LGALS8: variants seen among roughly 807,000 people sequenced by gnomAD.
LGALS8 encodes galectin-8.
In LGALS8, 30 loss-of-function variants were observed where a neutral mutation model predicts 35.9. That is an observed-to-expected ratio of 0.83 (90% CI 0.62 to 1.13). The LOEUF (loss-of-function observed/expected upper bound fraction) is 1.13, where lower values mean the gene tolerates loss of function less well. LGALS8 is among the 50% of genes most tolerant of loss of function. LGALS8 has a pLI of 0.00. For missense variants in LGALS8, 366 were observed against 388.7 expected, an observed-to-expected ratio of 0.94 and a Z score of 0.49; for synonymous variants, 138 against 136.1, an observed-to-expected ratio of 1.01 and a Z score of -0.10.
chr1:236,542,941 T>C (rs1662103585), intron 7 of LGALS8, 154 bp downstream of exon 7: 1 of 1,614,192 alleles, frequency 6.2e-7, no homozygotes, highest in Non-Finnish European at 8.5e-7. Context: ...GAGACATTTC[T>C]AAAATCGCAC....
rs1214426219 is a variant in LGALS8 at position 236,526,617 on chromosome 1, C to G, written c.45+502C>G. Among the ~76,000 whole-genome samples the G allele has an allele frequency of 6.6e-6, 1 of 152,096 alleles. No homozygotes were observed. The highest frequency in any genetic ancestry group is 1.5e-5 in the Non-Finnish European group (1 of 68,030). ...GGGTCTCGTGCAGTTCAGGCAGGTC[C>G]TAGAATCCCTGAATGACTGTAATTG... On this transcript the variant is annotated intron_variant, in intron 2 of 9. Transcript: ENST00000366584. The surrounding 1 kb of genome is among the most constrained non-coding windows in gnomAD (Gnocchi z 4.6).
intron 2 of LGALS8, among the ~76,000 whole-genome samples, chr1:236,534,642 C>G (rs1463081666): frequency 6.6e-6 from 1 of 151,736 alleles, no homozygotes; most frequent in Non-Finnish European, 1.5e-5. Context: ...AATGCAGGAT[C>G]TTTTCTGAAG....
In LGALS8 at chr1:236,550,658, C is replaced by G. The variant is rs1212273516; in HGVS notation, c.*2497C>G. ...AGAATAATAAATGTTTAAACAAACA[C>G]AGCAGTCTGTATAAAAATACCGTGT... On this transcript the variant is annotated 3_prime_UTR_variant, in exon 10 of 10. Coordinates refer to ENST00000366584, the MANE Select transcript of LGALS8 (RefSeq NM_201544.4). 4.6e-6 allele frequency: 2 copies of G among 436,120 alleles called. No homozygotes were observed. Among genetic ancestry groups the G allele is most frequent in the Non-Finnish European group, 8.1e-6 (2 of 247,050 alleles). The allele number at this position is 436,120 out of a possible 1,614,324, so 27.0% of individuals were successfully genotyped here.
intron 2 of LGALS8, among the ~76,000 whole-genome samples, chr1:236,529,581 C>T (rs1188501089): frequency 2.2e-5 from 2 of 89,560 alleles, no homozygotes; most frequent in African/African-American, 8.7e-5. Context: ...TACTTCATCT[C>T]AAAAAAAAAA....
chr1:236,543,383 G>A (rs544302556), intron 7 of LGALS8, 177 bp from the exon 8 acceptor site: 6 of 704,970 alleles, frequency 8.5e-6, no homozygotes, highest in Non-Finnish European at 1.6e-5. Flanking sequence ...TGTTTGCTTC[G>A]AGCCAGGGAC....
Position 236,540,795 on chromosome 1 carries a change from A to G in LGALS8, c.465+112A>G, listed in dbSNP as rs563133019. 488 of 1,115,000 alleles carry G rather than the reference A, an allele frequency of 4.4e-4. 1 individual carries two copies. In the African/African-American group the frequency reaches 7.1e-3, roughly 16 times the overall value. 69.1% of individuals were successfully genotyped at this position (1,115,000 alleles called of 1,614,324 possible). On this transcript the variant is annotated intron_variant, in intron 5 of 9. Coordinates refer to ENST00000366584, the MANE Select transcript of LGALS8 (RefSeq NM_201544.4). ...GACATAAAAAGGACGTATCTCCCTG[A>G]CTGTAGTATTAATTTTTTGGAAGTG...
In LGALS8 at chr1:236,549,736, T is replaced by C. The variant is rs1183831044; in HGVS notation, c.*1575T>C. On this transcript the variant is annotated 3_prime_UTR_variant, in exon 10 of 10. Transcript: ENST00000366584. The stretch of plus-strand genomic sequence containing the variant: ...ACCATCAGAGTGCTTAACTGAGCTG[T>C]TGGAGACTGTGAGGCATTTAGGAAA... The C allele has an allele frequency of 6.6e-6, 1 of 152,216 alleles. No homozygotes were observed. Among genetic ancestry groups the C allele is most frequent in the Non-Finnish European group, 1.5e-5 (1 of 68,036 alleles). The allele number at this position is 152,216 out of a possible 1,614,324, so 9.4% of individuals were successfully genotyped here. A position where few individuals can be genotyped will look rare whatever the true frequency, so the allele number is the denominator to read the frequency against.
At position 236,544,839 on chromosome 1, in the gene LGALS8, C is replaced by A. The variant is rs761233488; in HGVS notation, c.728C>A (p.Ser243Tyr). The A allele has an allele frequency of 8.7e-6, 14 of 1,613,334 alleles. No homozygotes were observed. In the Admixed American group the frequency reaches 2.2e-4, roughly 25 times the overall value. The change falls in exon 9 of 10, where the codon TCT becomes TAT. Residue 243 changes from serine to tyrosine, a missense_variant. By Grantham distance (144) the Ser-to-Tyr change is moderately radical. Coordinates refer to ENST00000366584, the MANE Select transcript of LGALS8 (RefSeq NM_201544.4). ...RLNIKAFVRN[S>Y]FLQESWGEEE... ...AATATTAAAGCATTTGTAAGAAATTCTTTTCTTCAGGAGTCCTGGGGAGAA... is the reference window on the plus strand; with the variant it reads ...AATATTAAAGCATTTGTAAGAAATTATTTTCTTCAGGAGTCCTGGGGAGAA...
intron 9 of LGALS8, 26 bp from the exon 10 acceptor site, chr1:236,547,986 T>G: frequency 6.3e-7 from 1 of 1,595,888 alleles, no homozygotes; most frequent in Non-Finnish European, 8.6e-7. Flanking sequence ...GGGGAACCAC[T>G]AATGGCATGT....
chr1:236,538,101 A>AAAG lies in LGALS8; in HGVS notation c.134+518_134+519insGAA, dbSNP rs1553277101. Among the ~76,000 whole-genome samples the AAAG allele has an allele frequency of 4.9e-4, 47 of 96,052 alleles. 3 individuals are homozygous for AAAG. Among genetic ancestry groups the AAAG allele is most frequent in the East Asian group, 8.8e-4 (3 of 3,420 alleles). The allele number at this position is 96,052 out of a possible 152,430, so 63.0% of individuals were successfully genotyped here. A position where few individuals can be genotyped will look rare whatever the true frequency, so the allele number is the denominator to read the frequency against. The stretch of plus-strand genomic sequence containing the variant: ...GCCTGGGTGACAAAAAAAAAAAAGA[A>AAAG]AAAGAAAAAGAATTAGGTATGTCAT... On this transcript the variant is annotated intron_variant, in intron 3 of 9. Transcript: ENST00000366584.
intron 6 of LGALS8, chr1:236,542,433 T>C (rs530287082): frequency 9.4e-5 from 32 of 341,050 alleles, no homozygotes; most frequent in Non-Finnish European, 1.4e-4. Flanking sequence ...TGAGCCATGA[T>C]TGAGCCACTG....
At chr1:236,525,105 C>T (rs1571986769) in intron 1 of LGALS8, among the ~76,000 whole-genome samples, 1 of 152,138 alleles carries the variant, frequency 6.6e-6, no homozygotes, top group African/African-American at 2.4e-5. Flanking sequence ...CAACACTCCC[C>T]TGCCCTGTGA....
At chr1:236,539,171 C>G (rs562094879) in intron 4 of LGALS8, 82 bp downstream of exon 4, 1 of 1,120,196 alleles carries the variant, frequency 8.9e-7, no homozygotes. Flanking sequence ...GTGAGCCCAG[C>G]CTTATATTTC....
Position 236,539,035 on chromosome 1 carries a change from CA to C in LGALS8, c.295del (p.Arg99GlufsTer8). 1 of 1,614,094 alleles carries C rather than the reference CA, an allele frequency of 6.2e-7. No individual in the cohort carries two copies. The highest frequency in any genetic ancestry group is 8.5e-7 in the Non-Finnish European group (1 of 1,180,008). The part of the protein sequence containing the change: ...REEITYDTPF[K>X]REKSFEIVIM... ...AAGAGATCACCTATGACACGCCTTT[CA>C]AAAGAGAAAAGTCTTTTGAGATCGT... On this transcript the variant is annotated frameshift_variant, in exon 4 of 10. Transcript: ENST00000366584. LOFTEE classifies it high-confidence loss of function.
intron 2 of LGALS8, among the ~76,000 whole-genome samples, chr1:236,531,846 C>T (rs1661168000): frequency 6.6e-6 from 1 of 152,132 alleles, no homozygotes; most frequent in South Asian, 2.1e-4. Flanking sequence ...TGTACTTGTG[C>T]CTATGATTTA....
chr1:236,533,760 A>G (rs1661285976), intron 2 of LGALS8, among the ~76,000 whole-genome samples: 2 of 152,304 alleles, frequency 1.3e-5, no homozygotes, highest in South Asian at 4.1e-4. Flanking sequence ...AATCTCTAGC[A>G]GGATGAAGAA....
At chr1:236,542,915 C>T in intron 7 of LGALS8, 128 bp downstream of exon 7, 2 of 1,614,120 alleles carry the variant, frequency 1.2e-6, no homozygotes, top group South Asian at 1.1e-5. Context: ...TTCCCTACAG[C>T]CTAGTAATAG....
intron 4 of LGALS8, 50 bp downstream of exon 4, chr1:236,539,139 C>T: frequency 7.0e-7 from 1 of 1,419,306 alleles, no homozygotes; most frequent in Non-Finnish European, 1.0e-6. Flanking sequence ...AGCAGGAGTG[C>T]ACAGGGGTGC....
upstream of LGALS8, among the ~76,000 whole-genome samples, chr1:236,520,419 C>T (rs140952860): frequency 7.2e-5 from 11 of 152,006 alleles, no homozygotes; most frequent in Admixed American, 2.6e-4. Flanking sequence ...CTGAATCTGC[C>T]CTTTGCTCCA....
Sources: gnomAD v4.1 joint callset for allele counts (sites outside exome capture counted in the v4.1 genomes callset) on GRCh38, gnomAD v4.1.1 for gene constraint, Gnocchi (gnomAD v3.1) non-coding constraint, MANE v1.5 for transcripts, NCBI Gene and HGNC (gene_info 2026-07-23, HGNC 2026-07-21) for gene names.